The following CD8B2 variants were observed in gnomAD, a reference collection of about 807,000 sequenced individuals.
CD8B2 encodes the protein CD8B family member 2, also known as T-cell surface glycoprotein CD8 beta-2 chain.
A neutral mutation model predicts 23.7 loss-of-function variants in CD8B2; 11 were observed. The observed-to-expected ratio is 0.46, with a 90% CI of 0.29 to 0.77. The LOEUF is 0.77. Among genes scored for constraint, CD8B2 ranks in the 30% least tolerant of loss-of-function variants. The pLI is 0.09. For synonymous variants in CD8B2, 90 were observed against 109.3 expected, an observed-to-expected ratio of 0.82 and a Z score of 1.10; for missense variants, 197 against 270.5, an observed-to-expected ratio of 0.73 and a Z score of 1.91.
At position 106,523,389 on chromosome 2, in the gene CD8B2, AG is replaced by A. The variant is rs966245830; in HGVS notation, c.620+19071del. 6.3e-4 allele frequency among the ~76,000 whole-genome samples: 96 copies of A among 152,100 alleles called. 1 individual carries two copies. Among genetic ancestry groups the A allele is most frequent in the African/African-American group, 2.2e-3 (92 of 41,398 alleles). On this transcript the variant is annotated intron_variant, in intron 5 of 5. Coordinates refer to the CD8B2 transcript ENST00000416057. ...CTATTTATCCAGAGCTTGCTCTAGC[AG>A]GGGGGGTCAACTACTGTCACTTGTG...
intron 5 of CD8B2, among the ~76,000 whole-genome samples, chr2:106,542,854 C>T (rs1448461925): frequency 6.6e-6 from 1 of 151,918 alleles, no homozygotes; most frequent in East Asian, 1.9e-4. Flanking sequence ...CATCATCCAG[C>T]CCCGGCTTAT....
intron 5 of CD8B2, among the ~76,000 whole-genome samples, chr2:106,543,688 G>T (rs1680211349): frequency 6.6e-6 from 1 of 152,076 alleles, no homozygotes; most frequent in Admixed American, 6.6e-5. Flanking sequence ...GAATATAAAA[G>T]TAAAAAGAAA....
chr2:106,531,413 A>G (rs1406842118), intron 5 of CD8B2, among the ~76,000 whole-genome samples: 1 of 152,194 alleles, frequency 6.6e-6, no homozygotes, highest in Non-Finnish European at 1.5e-5. Context: ...TGAAACGGGC[A>G]GGTGCCTCTA....
Position 106,494,212 on chromosome 2 carries a change from A to T in CD8B2, c.404-1961A>T, listed in dbSNP as rs1053943295. On this transcript the variant is annotated intron_variant, in intron 2 of 5. Coordinates refer to ENST00000643224, the MANE Select transcript of CD8B2 (RefSeq NM_001349727.2). ...ACCCAGGCTGGAGTTTAGTGGCAGG[A>T]TCTTGGCTGACTGCAACCTCTGCCT... Among the ~76,000 whole-genome samples the T allele has an allele frequency of 2.1e-5, 3 of 146,186 alleles. No individual in the cohort carries two copies. The South Asian group carries it at 6.7e-4, about 33-fold the overall frequency.
At chr2:106,536,835 T>C (rs929010151) in intron 5 of CD8B2, among the ~76,000 whole-genome samples, 1 of 152,176 alleles carries the variant, frequency 6.6e-6, no homozygotes, top group South Asian at 2.1e-4. Flanking sequence ...ATGGAATATA[T>C]GATGGCGCAA....
intron 1 of CD8B2, among the ~76,000 whole-genome samples, chr2:106,489,635 T>C (rs1679153502): frequency 6.6e-6 from 1 of 152,220 alleles, no homozygotes; most frequent in South Asian, 2.1e-4. Context: ...TTGGAAGCTG[T>C]GCAGCCTTGG....
chr2:106,492,704 C>T (rs563810664), intron 2 of CD8B2, among the ~76,000 whole-genome samples: 1 of 152,090 alleles, frequency 6.6e-6, no homozygotes, highest in Admixed American at 6.6e-5. Context: ...CACAAGGGGA[C>T]CCAGAAATTA....
intron 5 of CD8B2, among the ~76,000 whole-genome samples, chr2:106,537,265 G>A (rs576969690): frequency 4.9e-4 from 74 of 152,030 alleles, no homozygotes; most frequent in Admixed American, 2.0e-3. Flanking sequence ...TAAACCATGG[G>A]CTCATCACAA....
downstream of CD8B2, among the ~76,000 whole-genome samples, chr2:106,513,409 C>G (rs1454652380): frequency 6.6e-6 from 1 of 151,994 alleles, no homozygotes; most frequent in Non-Finnish European, 1.5e-5. Context: ...CCCGGACAGA[C>G]CAGAGAAAGA....
chr2:106,508,795 A>G lies in CD8B2; in HGVS notation c.*1855A>G, dbSNP rs952184280. The G allele has an allele frequency of 8.5e-5, 13 of 152,422 alleles. No homozygotes were observed. The highest frequency in any genetic ancestry group is 7.8e-4 in the Admixed American group (12 of 15,306). The allele number at this position is 152,422 out of a possible 1,614,324, so 9.4% of individuals were successfully genotyped here. ...ATGGCCCGTGCTTGGTCTGTGGTCA[A>G]TCCAGGGCAGTCTCCCTTTCCATCT... On this transcript the variant is annotated 3_prime_UTR_variant, in exon 6 of 6. Transcript: ENST00000643224.
intron 1 of CD8B2, among the ~76,000 whole-genome samples, chr2:106,488,594 C>T (rs1157514528): frequency 6.6e-6 from 1 of 152,218 alleles, no homozygotes; most frequent in Non-Finnish European, 1.5e-5. Context: ...AGCACATAAC[C>T]ACCATCGGGG....
intron 5 of CD8B2, among the ~76,000 whole-genome samples, chr2:106,530,621 C>T (rs1304634769): frequency 6.6e-6 from 1 of 152,080 alleles, no homozygotes; most frequent in Admixed American, 6.6e-5. Context: ...CCTCGTGATC[C>T]ACCCAGCTCG....
chr2:106,529,438 A>T (rs998718993), intron 5 of CD8B2, among the ~76,000 whole-genome samples: 3 of 152,220 alleles, frequency 2.0e-5, no homozygotes, highest in African/African-American at 7.2e-5. Context: ...TATCTCAAGT[A>T]CCATATGCCC....
At chr2:106,530,741 C>T (rs1239142330) in intron 5 of CD8B2, among the ~76,000 whole-genome samples, 1 of 152,114 alleles carries the variant, frequency 6.6e-6, no homozygotes, top group Non-Finnish European at 1.5e-5. Flanking sequence ...GGGAGGTTGG[C>T]ACAAGACACA....
chr2:106,537,053 T>A (rs533728865), intron 5 of CD8B2, among the ~76,000 whole-genome samples: 1 of 152,150 alleles, frequency 6.6e-6, no homozygotes, highest in African/African-American at 2.4e-5. Flanking sequence ...CCTTTGTCTG[T>A]GAGGCCCTGA....
intron 5 of CD8B2, among the ~76,000 whole-genome samples, chr2:106,517,863 C>T (rs1180356231): frequency 6.6e-6 from 1 of 152,132 alleles, no homozygotes; most frequent in Non-Finnish European, 1.5e-5. Flanking sequence ...CAGGCGCCCG[C>T]CACAACGCCC....
intron 5 of CD8B2, among the ~76,000 whole-genome samples, chr2:106,516,684 G>A (rs1679734225): frequency 6.6e-6 from 1 of 152,070 alleles, no homozygotes; most frequent in South Asian, 2.1e-4. Context: ...GTAAGCCTTT[G>A]CTTTGTTTGG....
chr2:106,517,409 T>C (rs1043868091), intron 5 of CD8B2, among the ~76,000 whole-genome samples: 1 of 152,168 alleles, frequency 6.6e-6, no homozygotes, highest in African/African-American at 2.4e-5. Flanking sequence ...GACATTTTTG[T>C]TTCTTTAACA....
At chr2:106,505,424 G>A (rs1679485551) in intron 5 of CD8B2, among the ~76,000 whole-genome samples, 3 of 151,536 alleles carry the variant, frequency 2.0e-5, no homozygotes, top group South Asian at 2.1e-4. Context: ...TCCAAGTCTC[G>A]GATTTCTCGT....
Sources: allele counts gnomAD v4.1 joint callset (sites outside exome capture counted in the v4.1 genomes callset), GRCh38; gene constraint gnomAD v4.1.1; transcripts MANE v1.5; gene names NCBI Gene and HGNC (gene_info 2026-07-23, HGNC 2026-07-21).